ZFP2: variants seen among roughly 807,000 people sequenced by gnomAD.
ZFP2 encodes ZFP2 zinc finger protein, also known as zinc finger protein ZFP2.
ZFP2 carries 33 observed loss-of-function variants against 36.1 expected under a neutral mutation model. The observed-to-expected ratio is 0.92, with a 90% CI of 0.69 to 1.22. The LOEUF is 1.22. Ranked by LOEUF, ZFP2 falls within the 50% of genes most tolerant of loss-of-function variation. The pLI, the probability that ZFP2 is intolerant of heterozygous loss-of-function variation, is 0.00. For synonymous variants in ZFP2, 170 were observed against 178.0 expected, an observed-to-expected ratio of 0.96 and a Z score of 0.36; for missense variants, 522 against 551.4, an observed-to-expected ratio of 0.95 and a Z score of 0.53.
chr5:178,920,964 T>C (rs1758548872), intron 4 of ZFP2, among the ~76,000 whole-genome samples: 1 of 152,218 alleles, frequency 6.6e-6, no homozygotes, highest in African/African-American at 2.4e-5. Flanking sequence ...AATGTTGATA[T>C]TTCTGTGTTA....
At chr5:178,914,366 G>GAT (rs1318407173) in intron 3 of ZFP2, among the ~76,000 whole-genome samples, 2 of 152,058 alleles carry the variant, frequency 1.3e-5, no homozygotes, top group East Asian at 3.9e-4. Flanking sequence ...TGGGTCAAAG[G>GAT]ATATATCCAT....
intron 1 of ZFP2, among the ~76,000 whole-genome samples, chr5:178,897,604 C>T (rs1274809601): frequency 6.6e-6 from 1 of 151,852 alleles, no homozygotes; most frequent in African/African-American, 2.4e-5. Context: ...ATTTTTTCTT[C>T]GTTGATATGA....
rs576845069 is a variant in ZFP2, at chr5:178,901,022, T to C, written c.-450+5048T>C. ...TGTGTAGTAATAGTTTGTTCCTTTT[T>C]GTCTTAAGTAGTACACAGTTGAATA... On this transcript the variant is annotated intron_variant, in intron 1 of 4. Coordinates refer to ENST00000361362, the MANE Select transcript of ZFP2 (RefSeq NM_030613.4). Among the ~76,000 whole-genome samples the C allele has an allele frequency of 9.2e-5, 14 of 152,396 alleles. No individual in the cohort carries two copies. In the South Asian group the frequency reaches 2.7e-3, roughly 29 times the overall value.
At chr5:178,900,388 C>A (rs974601788) in intron 1 of ZFP2, among the ~76,000 whole-genome samples, 1 of 115,848 alleles carries the variant, frequency 8.6e-6, no homozygotes, top group Non-Finnish European at 1.8e-5. Context: ...CGTCCCCCAC[C>A]CCAGCCAGCC....
intron 1 of ZFP2, among the ~76,000 whole-genome samples, chr5:178,909,228 T>A (rs1459098734): frequency 6.6e-6 from 1 of 152,190 alleles, no homozygotes; most frequent in Non-Finnish European, 1.5e-5. Flanking sequence ...CTACACTTGC[T>A]GGCTCCTTGC....
At chr5:178,919,782 C>T (rs944659042) in intron 4 of ZFP2, among the ~76,000 whole-genome samples, 9 of 151,920 alleles carry the variant, frequency 5.9e-5, no homozygotes, top group African/African-American at 1.5e-4. Context: ...CAAAACATGG[C>T]GAAACCCTTT....
At chr5:178,927,625 T>A (rs1758706407) in intron 4 of ZFP2, among the ~76,000 whole-genome samples, 1 of 151,082 alleles carries the variant, frequency 6.6e-6, no homozygotes, top group African/African-American at 2.4e-5. Flanking sequence ...GCCTCCTCAG[T>A]AGCTGGGATT....
intron 1 of ZFP2, among the ~76,000 whole-genome samples, chr5:178,896,820 G>A (rs1270542503): frequency 6.6e-6 from 1 of 152,144 alleles, no homozygotes; most frequent in African/African-American, 2.4e-5. Flanking sequence ...CATTTGGTAA[G>A]GGGTTTGAAG....
At chr5:178,909,374 G>T (rs1758241449) in intron 1 of ZFP2, among the ~76,000 whole-genome samples, 1 of 152,224 alleles carries the variant, frequency 6.6e-6, no homozygotes, top group Non-Finnish European at 1.5e-5. Context: ...ATCATTGCTT[G>T]ATAAATGGTT....
intron 1 of ZFP2, among the ~76,000 whole-genome samples, chr5:178,902,627 T>G (rs965103482): frequency 2.0e-5 from 3 of 152,322 alleles, no homozygotes; most frequent in Non-Finnish European, 2.9e-5. Context: ...TTAATTAAAA[T>G]TTGAATGGCT....
chr5:178,930,470 G>A (rs1214601251), intron 4 of ZFP2, among the ~76,000 whole-genome samples: 1 of 151,446 alleles, frequency 6.6e-6, no homozygotes, highest in African/African-American at 2.4e-5. Flanking sequence ...ACAGGCGCCT[G>A]CCACCATGCC....
rs540585243 is a variant in ZFP2, at chr5:178,919,012, A to G, written c.-78+2302A>G. Among the ~76,000 whole-genome samples the G allele has an allele frequency of 2.6e-5, 4 of 152,342 alleles. No homozygotes were observed. In the South Asian group the frequency reaches 8.3e-4, roughly 32 times the overall value. ...ACAGTTATATAATCTGGGAAAAATTAAAAATTTCCCCCCATCTCAGTGGCC... is the reference window on the plus strand; with the variant it reads ...ACAGTTATATAATCTGGGAAAAATTGAAAATTTCCCCCCATCTCAGTGGCC... On this transcript the variant is annotated intron_variant, in intron 4 of 4. Transcript: ENST00000361362.
chr5:178,915,318 CTTTCTTTTT>C (rs1277709818), intron 3 of ZFP2, among the ~76,000 whole-genome samples: 2 of 112,554 alleles, frequency 1.8e-5, no homozygotes, highest in Non-Finnish European at 3.6e-5. Flanking sequence ...AAAGGTTTTT[CTTTCTTTTT>C]TTTTTTTTTT....
At chr5:178,914,772 G>C (rs1410277647) in intron 3 of ZFP2, among the ~76,000 whole-genome samples, 2 of 152,148 alleles carry the variant, frequency 1.3e-5, no homozygotes, top group Admixed American at 1.3e-4. Context: ...TAGTTAACAG[G>C]AGTGTGATTT....
intron 4 of ZFP2, among the ~76,000 whole-genome samples, chr5:178,928,819 C>T (rs1470151119): frequency 6.6e-6 from 1 of 152,360 alleles, no homozygotes; most frequent in Admixed American, 6.5e-5. Context: ...CCACATTTCT[C>T]CTCTGCACTG....
chr5:178,910,635 C>G, intron 1 of ZFP2: 1 of 404,088 alleles, frequency 2.5e-6, no homozygotes, highest in South Asian at 2.1e-5. Context: ...CTAGAATGGC[C>G]CCCTCTGGAT....
rs1034485833 is a variant in ZFP2 at position 178,910,137 on chromosome 5, A to G, written c.-449-2447A>G. 40 of 1,449,208 alleles carry G rather than the reference A, an allele frequency of 2.8e-5. No homozygotes were observed. In the Admixed American group the frequency reaches 6.5e-4, roughly 24 times the overall value. The allele number at this position is 1,449,208 out of a possible 1,614,324, so 89.8% of individuals were successfully genotyped here. ...TAAGAGGCTGGAGAACCGTGCACAG[A>G]TTCTGTCACTGCTGTCTGCATTTAA... On this transcript the variant is annotated intron_variant, in intron 1 of 4. Coordinates refer to ENST00000361362, the MANE Select transcript of ZFP2 (RefSeq NM_030613.4).
At chr5:178,925,138 CA>C (rs1758642522) in intron 4 of ZFP2, among the ~76,000 whole-genome samples, 1 of 134,034 alleles carries the variant, frequency 7.5e-6, no homozygotes, top group Non-Finnish European at 1.7e-5. Context: ...CACACACACA[CA>C]CACACACACA....
chr5:178,897,823 T>C (rs1259770810), intron 1 of ZFP2, among the ~76,000 whole-genome samples: 1 of 152,210 alleles, frequency 6.6e-6, no homozygotes, highest in Non-Finnish European at 1.5e-5. Flanking sequence ...GTGCCTAGTA[T>C]ACAGTAGGTG....
Sources: gnomAD v4.1 joint callset for allele counts (sites outside exome capture counted in the v4.1 genomes callset) on GRCh38, gnomAD v4.1.1 for gene constraint, MANE v1.5 for transcripts, NCBI Gene and HGNC (gene_info 2026-07-23, HGNC 2026-07-21) for gene names.